Variants in CNTN6 observed in about 807,000 individuals in gnomAD.
The protein encoded by CNTN6 is contactin 6.
In CNTN6, 137 loss-of-function variants were observed where a neutral mutation model predicts 122.8. That is an observed-to-expected ratio of 1.12 (90% confidence interval 0.97 to 1.29). The LOEUF is 1.29. Ranked by LOEUF, CNTN6 falls within the 50% of genes most tolerant of loss-of-function variation. The pLI, the probability that CNTN6 is intolerant of heterozygous loss-of-function variation, is 0.00. For missense variants in CNTN6, 1,634 were observed against 1,223.4 expected (o/e 1.34, Z -5.01); for synonymous variants, 570 against 426.0 (o/e 1.34, Z -4.16).
intron 4 of CNTN6, among the ~76,000 whole-genome samples, chr3:1,242,421 A>C (rs999062331): frequency 1.3e-5 from 2 of 152,104 alleles, no homozygotes; most frequent in Non-Finnish European, 2.9e-5. Context: ...AATCTGTAAG[A>C]CTTGTCCGGT....
At chr3:1,223,539 T>C (rs2094237518) in intron 3 of CNTN6, among the ~76,000 whole-genome samples, 1 of 152,148 alleles carries the variant, frequency 6.6e-6, no homozygotes, top group African/African-American at 2.4e-5. Context: ...GGAAGAGAAA[T>C]GGGCTACCCA....
intron 12 of CNTN6, among the ~76,000 whole-genome samples, chr3:1,354,469 T>C (rs1289726887): frequency 1.3e-5 from 2 of 151,478 alleles, no homozygotes; most frequent in Non-Finnish European, 3.0e-5. Context: ...GCATTCCTTG[T>C]TACCTTAATC....
intron 1 of CNTN6, among the ~76,000 whole-genome samples, chr3:1,109,959 T>C (rs566760959): frequency 3.7e-4 from 56 of 152,246 alleles, no homozygotes; most frequent in African/African-American, 1.3e-3. Flanking sequence ...TCCCTACTGC[T>C]GACTCAGTTT....
chr3:1,366,622 A>C (rs1708256520), intron 12 of CNTN6, among the ~76,000 whole-genome samples: 1 of 152,084 alleles, frequency 6.6e-6, no homozygotes, highest in Admixed American at 6.6e-5. Context: ...CCAATCTTCC[A>C]GTCCCTGCAA....
intron 1 of CNTN6, among the ~76,000 whole-genome samples, chr3:1,141,368 T>C (rs1052253010): frequency 6.6e-6 from 1 of 152,158 alleles, no homozygotes; most frequent in African/African-American, 2.4e-5. Flanking sequence ...TTGCTGTAAA[T>C]AAGGGGAGAA....
chr3:1,268,646 T>G (rs1056848501), intron 4 of CNTN6, among the ~76,000 whole-genome samples: 20 of 151,964 alleles, frequency 1.3e-4, no homozygotes, highest in Admixed American at 7.9e-4. Flanking sequence ...GTGGCAGTTC[T>G]TGGAATAAAA....
At chr3:1,302,203 A>G (rs1192875304) in intron 7 of CNTN6, among the ~76,000 whole-genome samples, 2 of 152,112 alleles carry the variant, frequency 1.3e-5, no homozygotes, top group Non-Finnish European at 2.9e-5. Context: ...ATTCTCTAAC[A>G]TCTCTTCATA....
chr3:1,373,653 T>C lies in CNTN6; in HGVS notation c.1836T>C (p.Thr612=), dbSNP rs1322355623. ...TGCAAGTGGAAGACATTTCCAGTAC[T>C]ACTTCTCAACTAAGTTGGAGAGCAG... ...EDVQVEDISS[T]TSQLSWRAGP... The change falls in exon 15 of 23, where the codon ACT becomes ACC. Residue 612 remains threonine, a synonymous_variant. Transcript: ENST00000446702. 6.2e-7 allele frequency: 1 copy of C among 1,613,148 alleles called. No homozygotes were observed. The highest frequency in any genetic ancestry group is 8.5e-7 in the Non-Finnish European group (1 of 1,179,386).
In CNTN6 at chr3:1,218,095, G is replaced by A. The variant is rs114590844; in HGVS notation, c.56-2592G>A. ...TGAGGTGCTGGAACCTGAGAGAGGC[G>A]AGAGAGGCATCCATGCAGGGCAGGG... On this transcript the variant is annotated intron_variant, in intron 2 of 22. Transcript: ENST00000446702. 2.3e-3 allele frequency among the ~76,000 whole-genome samples: 343 copies of A among 152,236 alleles called. 2 individuals are homozygous for A. Among genetic ancestry groups the A allele is most frequent in the Middle Eastern group, 0.01 (3 of 294 alleles).
intron 2 of CNTN6, among the ~76,000 whole-genome samples, chr3:1,201,258 C>T (rs1402880325): frequency 6.6e-6 from 1 of 152,072 alleles, no homozygotes; most frequent in Non-Finnish European, 1.5e-5. Flanking sequence ...CAGGAGTAAG[C>T]CGCCATGCTC....
chr3:1,238,325 GC>G (rs1417015388), intron 4 of CNTN6, among the ~76,000 whole-genome samples: 1 of 152,066 alleles, frequency 6.6e-6, no homozygotes, highest in Admixed American at 6.6e-5. Context: ...CAAAGCAACA[GC>G]AGTTTAAACA....
intron 7 of CNTN6, among the ~76,000 whole-genome samples, chr3:1,315,373 G>A (rs916834497): frequency 1.8e-4 from 27 of 151,922 alleles, no homozygotes; most frequent in African/African-American, 6.5e-4. Context: ...TTAGTGGGTG[G>A]CAACTCAAAG....
chr3:1,387,297 A>AGTT (rs1221156333), intron 20 of CNTN6, among the ~76,000 whole-genome samples: 6 of 152,180 alleles, frequency 3.9e-5, no homozygotes, highest in Admixed American at 2.6e-4. Flanking sequence ...CTGGGCTGTG[A>AGTT]GTTATTTTCA....
intron 1 of CNTN6, among the ~76,000 whole-genome samples, chr3:1,097,533 A>C (rs1331409858): frequency 1.3e-5 from 2 of 152,210 alleles, no homozygotes; most frequent in African/African-American, 4.8e-5. Context: ...AATGATAGTG[A>C]GAGCAAGATT....
intron 4 of CNTN6, among the ~76,000 whole-genome samples, chr3:1,234,640 T>G (rs62229421): frequency 6.6e-6 from 1 of 152,206 alleles, no homozygotes; most frequent in Non-Finnish European, 1.5e-5. Context: ...AAGTGGGTAA[T>G]GCATACCTAA....
chr3:1,192,908 T>C (rs1336149855), intron 2 of CNTN6, among the ~76,000 whole-genome samples: 1 of 152,182 alleles, frequency 6.6e-6, no homozygotes, highest in Non-Finnish European at 1.5e-5. Flanking sequence ...ACTCCACGTA[T>C]TTGAACAACT....
chr3:1,278,308 T>G (rs1692781218), intron 4 of CNTN6, 105 bp from the exon 5 acceptor site: 14 of 730,566 alleles, frequency 1.9e-5, no homozygotes, highest in Non-Finnish European at 2.9e-5. Context: ...CAGCAAAGTA[T>G]GAGATTAATT....
At chr3:1,349,599 AT>A (rs1705311160) in intron 11 of CNTN6, among the ~76,000 whole-genome samples, 1 of 151,872 alleles carries the variant, frequency 6.6e-6, no homozygotes, top group African/African-American at 2.4e-5. Context: ...TTACATGTGC[AT>A]TTTGCCTTAT....
intron 1 of CNTN6, among the ~76,000 whole-genome samples, chr3:1,140,053 G>C (rs2092572907): frequency 6.6e-6 from 1 of 152,112 alleles, no homozygotes; most frequent in African/African-American, 2.4e-5. Flanking sequence ...TTCTCCTTCT[G>C]AGAAAGTATT....
Sources: allele counts gnomAD v4.1 joint callset (sites outside exome capture counted in the v4.1 genomes callset), GRCh38; gene constraint gnomAD v4.1.1; transcripts MANE v1.5; gene names NCBI Gene and HGNC (gene_info 2026-07-23, HGNC 2026-07-21).